Variants in SFPQ observed in about 807,000 individuals in gnomAD.
The protein encoded by SFPQ is splicing factor, proline- and glutamine-rich.
Under a neutral mutation model 72.9 loss-of-function variants are expected in SFPQ, and 11 were observed. The observed-to-expected ratio is 0.15, with a 90% CI of 0.09 to 0.25. The LOEUF is 0.25. Among genes scored for constraint, SFPQ ranks in the 10% least tolerant of loss-of-function variants. The pLI is 1.00. For missense variants in SFPQ, 847 were observed against 993.3 expected (o/e 0.85, Z 1.98); for synonymous variants, 506 against 367.3 (o/e 1.38, Z -4.32).
Position 35,192,772 on chromosome 1 carries a change from G to T in SFPQ, c.278C>A (p.Pro93Gln). 6.7e-7 allele frequency: 1 copy of T among 1,500,580 alleles called. No homozygotes were observed. 93.0% of individuals were successfully genotyped at this position (1,500,580 alleles called of 1,614,324 possible). Residue 93 changes from proline to glutamine, a missense_variant, in exon 1 of 10, where the codon CCG (proline) becomes CAG (glutamine). This residue lies in a region of SFPQ where 498 missense variants were observed against 405.1 expected (regional missense o/e 1.23). Transcript: ENST00000357214. ...TGGCGGCGGCTGCTGCTGCTGATGC[G>T]GCTGTGGATGCGGCGGCGGCTGATG... ...PPHQPPPHPQ[P>Q]HQQQQPPPPP...
chr1:35,188,951 A>G, intron 6 of SFPQ, 52 bp downstream of exon 6: 3 of 1,423,922 alleles, frequency 2.1e-6, no homozygotes, highest in South Asian at 1.2e-5. Context: ...ACAGAATGAT[A>G]CGTTTCAAAG....
downstream of SFPQ, chr1:35,182,826 T>G: frequency 9.5e-7 from 1 of 1,049,772 alleles, no homozygotes; most frequent in Non-Finnish European, 1.1e-6. Flanking sequence ...GAAATCAGGC[T>G]CCCATTATAC....
chr1:35,178,010 A>G (rs778812092), downstream of SFPQ: 123 of 1,296,522 alleles, frequency 9.5e-5, no homozygotes, highest in Middle Eastern at 4.3e-4. Flanking sequence ...GAGCACTCCA[A>G]TATCAGCCAA....
chr1:35,189,412 C>G, intron 4 of SFPQ, 30 bp from the exon 5 acceptor site: 1 of 1,552,598 alleles, frequency 6.4e-7, no homozygotes, highest in Non-Finnish European at 8.9e-7. Flanking sequence ...TAACATGAAC[C>G]GATTTGTGAA....
chr1:35,190,696 C>G lies in SFPQ; in HGVS notation c.1317G>C (p.Thr439=). Residue 439 remains threonine (T), a splice_region_variant and synonymous_variant, in exon 3 of 10, where the codon ACG becomes ACC. Coordinates refer to ENST00000357214, the MANE Select transcript of SFPQ (RefSeq NM_005066.3). ...ERCSEGVFLL[T]TTPRPVIVEP... ...TTAGAATAAACAAGACAACTTACGT[C>G]GTCAGTAAGAAAACACCTTCACTGC... 1 of 1,612,976 alleles carries G rather than the reference C, an allele frequency of 6.2e-7. No individual in the cohort carries two copies.
At chr1:35,179,410 A>T, downstream of SFPQ, 1 of 1,056,552 alleles carries the variant, frequency 9.5e-7, no homozygotes, top group Non-Finnish European at 1.1e-6. Context: ...ATCTGTTCCA[A>T]GGGCCTAACA....
At chr1:35,187,822 G>T in intron 7 of SFPQ, 151 bp downstream of exon 7, 1 of 635,056 alleles carries the variant, frequency 1.6e-6, no homozygotes. Flanking sequence ...TAAATCCTCT[G>T]ACCCATACAA....
Position 35,192,725 on chromosome 1 carries a change from G to A in SFPQ, c.325C>T (p.Pro109Ser), listed in dbSNP as rs1206192954. 2.0e-6 allele frequency: 3 copies of A among 1,493,664 alleles called. No homozygotes were observed. Among genetic ancestry groups the A allele is most frequent in the Admixed American group, 2.2e-5 (1 of 45,562 alleles). The allele number at this position is 1,493,664 out of a possible 1,614,324, so 92.5% of individuals were successfully genotyped here. The change falls in exon 1 of 10, where the codon CCC becomes TCC. Residue 109 changes from proline to serine, a missense_variant. Physicochemically the swap from Pro to Ser is moderately conservative, Grantham distance 74 (BLOSUM62 -1). Coordinates refer to ENST00000357214, the MANE Select transcript of SFPQ (RefSeq NM_005066.3). ...PPPPPQDSSK[P>S]VVAQGPGPAP... ...GGGCCGGGTCCCTGAGCAACGACGG[G>A]CTTGGAAGAGTCCTGCGGCGGTGGC... is the stretch of plus-strand genomic sequence containing the variant.
At chr1:35,180,437 T>A (rs901764030), downstream of SFPQ, 1 of 1,048,950 alleles carries the variant, frequency 9.5e-7, no homozygotes, top group Non-Finnish European at 1.2e-6. Flanking sequence ...GACGATGTCT[T>A]ATGATTGGGA....
At position 35,187,534 on chromosome 1, in the gene SFPQ, C is replaced by T. The variant is rs943119738; in HGVS notation, c.1816-283G>A. 3.3e-5 allele frequency among the ~76,000 whole-genome samples: 5 copies of T among 152,246 alleles called. No homozygotes were observed. In the East Asian group the frequency reaches 7.7e-4, roughly 23 times the overall value. On this transcript the variant is annotated intron_variant, in intron 7 of 9. Coordinates refer to ENST00000357214, the MANE Select transcript of SFPQ (RefSeq NM_005066.3). ...TCACCTGAGGTCAGGAGTTCAAGAC[C>T]AGCCTGGCCAACAAGGCGAAACGCC... is the stretch of plus-strand genomic sequence containing the variant.
At chr1:35,185,080 T>C (rs888585634) in intron 9 of SFPQ, among the ~76,000 whole-genome samples, 14 of 152,260 alleles carry the variant, frequency 9.2e-5, no homozygotes, top group Admixed American at 8.5e-4. Context: ...ACCTTGTGCT[T>C]TTCAAGATCT....
downstream of SFPQ, chr1:35,181,308 G>A (rs1241577218): frequency 7.5e-6 from 8 of 1,065,524 alleles, no homozygotes; most frequent in Non-Finnish European, 4.5e-6. Context: ...TGCAGTCCAA[G>A]AACACCAGAA....
downstream of SFPQ, chr1:35,179,398 G>C (rs1317347539): frequency 4.7e-6 from 5 of 1,056,384 alleles, no homozygotes; most frequent in Non-Finnish European, 5.7e-6. Context: ...GAAAGCACCG[G>C]TATCTGTTCC....
chr1:35,192,981 G>A lies in SFPQ; in HGVS notation c.69C>T (p.Gly23=), dbSNP rs757595215. ...GGAAGTCGTGGAGGCCGCCGCGGCC[G>A]CCGCCTCCTCCACGCCTGTGGAAGC... ...GGGFHRRGGG[G]GRGGLHDFRS... Residue 23 remains glycine, a synonymous_variant, in exon 1 of 10, where the codon GGC becomes GGT. Coordinates refer to ENST00000357214, the MANE Select transcript of SFPQ (RefSeq NM_005066.3). 9 of 1,570,500 alleles carry A rather than the reference G, an allele frequency of 5.7e-6. No individual in the cohort carries two copies. The highest frequency in any genetic ancestry group is 1.8e-5 in the Admixed American group (1 of 55,202).
In SFPQ at chr1:35,183,198, A is replaced by T. The variant is rs114634491; in HGVS notation, c.*1258T>A. On this transcript the variant is annotated 3_prime_UTR_variant, in exon 10 of 10. Transcript: ENST00000357214. The stretch of plus-strand genomic sequence containing the variant: ...AAAGTTACAGAGTACAAATGTATAT[A>T]TAACTAAACCTACTTCAGTACTAAA... 7.9e-6 allele frequency: 8 copies of T among 1,014,796 alleles called. No homozygotes were observed. In the African/African-American group the frequency reaches 1.4e-4, roughly 17 times the overall value. 62.9% of individuals were successfully genotyped at this position (1,014,796 alleles called of 1,614,324 possible).
At chr1:35,179,813 T>G, downstream of SFPQ, 1 of 1,054,452 alleles carries the variant, frequency 9.5e-7, no homozygotes, top group Non-Finnish European at 1.1e-6. Flanking sequence ...ACCTGAGTTT[T>G]TATTTCTAAC....
downstream of SFPQ, chr1:35,180,769 G>A (rs184171249): frequency 7.0e-4 from 742 of 1,061,432 alleles, no homozygotes; most frequent in Middle Eastern, 1.3e-3. Flanking sequence ...CATGCTATAC[G>A]GTCCATGTCA....
chr1:35,191,594 G>C, intron 1 of SFPQ, 65 bp from the exon 2 acceptor site: 2 of 1,297,326 alleles, frequency 1.5e-6, no homozygotes, highest in Non-Finnish European at 2.2e-6. Flanking sequence ...CCCCAAGATA[G>C]TATTTGCTTA....
rs1453546135 is a variant in SFPQ, at chr1:35,192,143, G to A, written c.828+79C>T. ...CCTTCCGGCAGCCGACAAAATGGAA[G>A]CCCAGCGCGGGGGCGGGGGCGAGGA... On this transcript the variant is annotated intron_variant, in intron 1 of 9. Transcript: ENST00000357214. The A allele has an allele frequency of 9.3e-6, 11 of 1,180,650 alleles. No homozygotes were observed. In the African/African-American group the frequency reaches 9.6e-5, roughly 10 times the overall value. The allele number at this position is 1,180,650 out of a possible 1,614,324, so 73.1% of individuals were successfully genotyped here.
Sources: allele counts gnomAD v4.1 joint callset (sites outside exome capture counted in the v4.1 genomes callset), GRCh38; gene constraint gnomAD v4.1.1; regional missense constraint gnomAD v4.1.1; transcripts MANE v1.5; gene names NCBI Gene and HGNC (gene_info 2026-07-23, HGNC 2026-07-21).